The following SDK1 variants were observed in gnomAD, a reference collection of about 807,000 sequenced individuals.
The protein encoded by SDK1 is protein sidekick-1.
SDK1 carries 157 observed loss-of-function variants against 245.5 expected under a neutral mutation model. The ratio of observed to expected loss-of-function variants is 0.64; its 90% CI spans 0.56 to 0.73. SDK1 has a LOEUF of 0.73. SDK1 is among the 30% of genes least tolerant of loss of function. The pLI is 0.00. For synonymous variants in SDK1, 1,647 were observed against 1,278.5 expected (o/e 1.29, Z -6.15); for missense variants, 3,583 against 3,002.3 (o/e 1.19, Z -4.52).
chr7:3,676,355 T>C (rs1005110566), intron 4 of SDK1, among the ~76,000 whole-genome samples: 2 of 149,268 alleles, frequency 1.3e-5, no homozygotes, highest in African/African-American at 5.0e-5. Flanking sequence ...AGACGGAGTC[T>C]TGCTCTGTCG....
At chr7:3,457,778 C>T (rs1420836266) in intron 1 of SDK1, among the ~76,000 whole-genome samples, 1 of 152,198 alleles carries the variant, frequency 6.6e-6, no homozygotes, top group East Asian at 1.9e-4. Flanking sequence ...CACACCACCA[C>T]CTTCTCCCTG....
intron 11 of SDK1, 29 bp from the exon 12 acceptor site, chr7:3,971,437 G>A (rs375604488): frequency 1.1e-5 from 17 of 1,510,636 alleles, no homozygotes; most frequent in African/African-American, 2.7e-5. Flanking sequence ...TTGTCATTTC[G>A]TCTGACTCGT....
chr7:4,132,191 G>A, intron 27 of SDK1, 134 bp from the exon 28 acceptor site: 2 of 641,752 alleles, frequency 3.1e-6, no homozygotes, highest in Non-Finnish European at 2.8e-6. Flanking sequence ...CAAAACTTTA[G>A]GGGGTTCTAA....
In SDK1 at chr7:4,012,233, C is replaced by G. The variant is rs370711331; in HGVS notation, c.2418C>G (p.Leu806=). The change falls in exon 16 of 45, where the codon CTC becomes CTG. Residue 806 remains leucine (L), a splice_region_variant and synonymous_variant. Coordinates refer to ENST00000404826, the MANE Select transcript of SDK1 (RefSeq NM_152744.4). ...ACGGGGTGTTGCGTGGATACATCCT[C>G]AGGCAAGTGCCCTGTGATTGGCCAT... ...EHNGVLRGYI[L]RYRLAGLPGE... is the part of the protein sequence containing the mutation. 8 of 1,498,738 alleles carry G rather than the reference C, an allele frequency of 5.3e-6. No individual in the cohort carries two copies. In the African/African-American group the frequency reaches 8.7e-5, roughly 16 times the overall value. 92.8% of individuals were successfully genotyped at this position (1,498,738 alleles called of 1,614,324 possible). A position where few individuals can be genotyped will look rare whatever the true frequency, so the allele number is the denominator to read the frequency against.
At chr7:3,585,329 T>A (rs968500823) in intron 1 of SDK1, among the ~76,000 whole-genome samples, 4 of 152,170 alleles carry the variant, frequency 2.6e-5, no homozygotes, top group Admixed American at 6.5e-5. Context: ...AACAGGTAGT[T>A]GATGAAGTGA....
chr7:3,958,988 CTG>C lies in SDK1; in HGVS notation c.1211_1212del (p.Val404GlyfsTer59). 1 of 1,613,876 alleles carries C rather than the reference CTG, an allele frequency of 6.2e-7. No homozygotes were observed. Among genetic ancestry groups the C allele is most frequent in the Non-Finnish European group, 8.5e-7 (1 of 1,179,848 alleles). On this transcript the variant is annotated frameshift_variant, in exon 8 of 45. Coordinates refer to ENST00000404826, the MANE Select transcript of SDK1 (RefSeq NM_152744.4). LOFTEE classifies it high-confidence loss of function. The stretch of plus-strand genomic sequence containing the variant: ...CGGATTTCAGCTGAAGTAGAAGAAA[CTG>C]TGGACATCGGATGTCAAGCCATGGG...
chr7:3,983,574 A>G (rs1783585563), intron 13 of SDK1, among the ~76,000 whole-genome samples: 1 of 152,258 alleles, frequency 6.6e-6, no homozygotes, highest in Non-Finnish European at 1.5e-5. Flanking sequence ...CAGAACTTTT[A>G]TATGCACTGG....
intron 25 of SDK1, among the ~76,000 whole-genome samples, chr7:4,117,744 A>G (rs977391677): frequency 1.3e-5 from 2 of 152,158 alleles, no homozygotes; most frequent in African/African-American, 2.4e-5. Context: ...TGCCACCGGG[A>G]ACTGTAGATA....
intron 4 of SDK1, among the ~76,000 whole-genome samples, chr7:3,817,662 C>G (rs1583445235): frequency 6.6e-6 from 1 of 152,146 alleles, no homozygotes; most frequent in Non-Finnish European, 1.5e-5. Flanking sequence ...AGGGAGCTTC[C>G]CAGTCGATGC....
At chr7:3,560,651 A>T (rs753444260) in intron 1 of SDK1, among the ~76,000 whole-genome samples, 3 of 152,166 alleles carry the variant, frequency 2.0e-5, no homozygotes, top group Non-Finnish European at 2.9e-5. Context: ...CTGTAAAAAC[A>T]TCAGAGCAGG....
At chr7:3,513,313 G>T (rs948068640) in intron 1 of SDK1, among the ~76,000 whole-genome samples, 1 of 152,126 alleles carries the variant, frequency 6.6e-6, no homozygotes, top group African/African-American at 2.4e-5. Flanking sequence ...TGACAGAGTC[G>T]AATAAAGAGA....
intron 40 of SDK1, among the ~76,000 whole-genome samples, chr7:4,223,145 G>C (rs1785237535): frequency 6.6e-6 from 1 of 152,144 alleles, no homozygotes; most frequent in South Asian, 2.1e-4. Context: ...AAGCAGGTTG[G>C]TGGGGGAGGA....
intron 35 of SDK1, among the ~76,000 whole-genome samples, chr7:4,199,875 G>T (rs981835874): frequency 1.3e-5 from 2 of 152,142 alleles, no homozygotes; most frequent in Non-Finnish European, 1.5e-5. Context: ...CCCATGCACA[G>T]TTCTAGAATT....
chr7:3,619,219 C>T lies in SDK1; in HGVS notation c.438C>T (p.Thr146=), dbSNP rs188744741. The change falls in exon 2 of 45, where the codon ACC becomes ACT. Residue 146 remains threonine, a synonymous_variant. Coordinates refer to ENST00000404826, the MANE Select transcript of SDK1 (RefSeq NM_152744.4). ...GGATGCGCGATGACAGTGAGCTCAC[C>T]ACCTACAGCAGCGAATATAAGTAAT... ...FKWMRDDSEL[T]TYSSEYKYII... is the part of the protein sequence containing the mutation. 7 of 1,610,936 alleles carry T rather than the reference C, an allele frequency of 4.3e-6. No individual in the cohort carries two copies. In the Admixed American group the frequency reaches 5.0e-5, roughly 12 times the overall value.
chr7:3,724,337 C>G (rs556742842), intron 4 of SDK1, among the ~76,000 whole-genome samples: 6 of 151,998 alleles, frequency 3.9e-5, no homozygotes, highest in Admixed American at 3.9e-4. Context: ...CTTTGGGAGA[C>G]TGAGGCAGGA....
chr7:4,175,747 C>T, intron 33 of SDK1, 28 bp from the exon 34 acceptor site: 3 of 1,605,892 alleles, frequency 1.9e-6, no homozygotes, highest in Non-Finnish European at 2.6e-6. Context: ...GCGTGCTAAC[C>T]ACCTTTCTGC....
intron 4 of SDK1, among the ~76,000 whole-genome samples, chr7:3,791,413 A>T (rs1003560373): frequency 6.6e-6 from 1 of 152,208 alleles, no homozygotes; most frequent in Non-Finnish European, 1.5e-5. Context: ...CCAGCTCATC[A>T]TGGTGTGAGC....
intron 1 of SDK1, among the ~76,000 whole-genome samples, chr7:3,581,625 A>G (rs1331587104): frequency 1.3e-5 from 2 of 152,230 alleles, no homozygotes; most frequent in African/African-American, 4.8e-5. Flanking sequence ...CTACCATTCA[A>G]CCCAGGAATC....
At chr7:4,028,846 G>A (rs557795568) in intron 17 of SDK1, among the ~76,000 whole-genome samples, 2 of 152,150 alleles carry the variant, frequency 1.3e-5, no homozygotes, top group East Asian at 3.9e-4. Context: ...CCCATTCAGC[G>A]GAAAACCCAT....
Sources: gnomAD v4.1 joint callset for allele counts (sites outside exome capture counted in the v4.1 genomes callset) on GRCh38, gnomAD v4.1.1 for gene constraint, MANE v1.5 for transcripts, NCBI Gene and HGNC (gene_info 2026-07-23, HGNC 2026-07-21) for gene names.